Variants in SLC44A5 observed in about 807,000 individuals in gnomAD.
SLC44A5 encodes the protein solute carrier family 44 member 5, also known as choline transporter-like protein 5.
A neutral mutation model predicts 101.8 loss-of-function variants in SLC44A5; 57 were observed. The ratio of observed to expected loss-of-function variants is 0.56; its 90% CI spans 0.45 to 0.70. The LOEUF (loss-of-function observed/expected upper bound fraction) is 0.70, where lower values mean the gene tolerates loss of function less well. Ranked by LOEUF, SLC44A5 falls within the 30% of genes least tolerant of loss-of-function variation. The pLI, the probability that SLC44A5 is intolerant of heterozygous loss-of-function variation, is 0.00. For missense variants in SLC44A5, 737 were observed against 853.1 expected (o/e 0.86, Z 1.70); for synonymous variants, 281 against 290.9 (o/e 0.97, Z 0.35).
chr1:75,490,522 A>G (rs1041466565), intron 2 of SLC44A5, among the ~76,000 whole-genome samples: 3 of 152,198 alleles, frequency 2.0e-5, no homozygotes, highest in African/African-American at 7.2e-5. Context: ...ATCTTTCTTT[A>G]CACTGTTTTA....
At chr1:75,583,128 G>C (rs1005264067) in intron 1 of SLC44A5, among the ~76,000 whole-genome samples, 4 of 152,172 alleles carry the variant, frequency 2.6e-5, no homozygotes, top group Non-Finnish European at 5.9e-5. Context: ...AGTGTGAGGG[G>C]AAGAGAAGCT....
chr1:75,706,195 G>GT, the SLC44A5 span, among the ~76,000 whole-genome samples: 34 of 152,020 alleles, frequency 2.2e-4, no homozygotes, highest in Non-Finnish European at 4.3e-4. Flanking sequence ...CTAATATGTG[G>GT]TTTTTTATTA....
intron 2 of SLC44A5, among the ~76,000 whole-genome samples, chr1:75,456,984 C>T (rs1046384600): frequency 6.6e-6 from 1 of 152,176 alleles, no homozygotes; most frequent in Non-Finnish European, 1.5e-5. Flanking sequence ...TTATAACACA[C>T]AGGAGGAAAA....
chr1:75,210,357 G>A (rs1468797431), intron 23 of SLC44A5, among the ~76,000 whole-genome samples: 2 of 152,104 alleles, frequency 1.3e-5, no homozygotes, highest in East Asian at 1.9e-4. Context: ...ACAGTGCCTA[G>A]CCAAAAAAAG....
chr1:75,422,483 A>G (rs1387160944), intron 2 of SLC44A5, among the ~76,000 whole-genome samples: 2 of 152,234 alleles, frequency 1.3e-5, no homozygotes, highest in Non-Finnish European at 2.9e-5. Flanking sequence ...ATATTTGTGT[A>G]GATAAAAACT....
the SLC44A5 span, among the ~76,000 whole-genome samples, chr1:75,632,642 A>C: frequency 1.3e-5 from 2 of 152,144 alleles, no homozygotes; most frequent in Non-Finnish European, 2.9e-5. Context: ...TTCAAGAGTC[A>C]GGTTTAAATG....
At chr1:75,582,524 C>T in intron 1 of SLC44A5, 1 of 549,498 alleles carries the variant, frequency 1.8e-6, no homozygotes, top group Non-Finnish European at 3.2e-6. Flanking sequence ...AGCTCAGGCT[C>T]CCAAAGGCGC....
chr1:75,223,768 C>G (rs1441596814), intron 13 of SLC44A5, among the ~76,000 whole-genome samples: 1 of 152,144 alleles, frequency 6.6e-6, no homozygotes, highest in Non-Finnish European at 1.5e-5. Context: ...ATACGAAGAT[C>G]TTAGTAATGT....
At chr1:75,624,013 G>A in the SLC44A5 span, among the ~76,000 whole-genome samples, 1 of 152,080 alleles carries the variant, frequency 6.6e-6, no homozygotes, top group African/African-American at 2.4e-5. Flanking sequence ...ATGACTCCAG[G>A]TCTGCAGCAG....
At chr1:75,307,443 C>T (rs1474651058) in intron 4 of SLC44A5, among the ~76,000 whole-genome samples, 1 of 152,136 alleles carries the variant, frequency 6.6e-6, no homozygotes, top group Non-Finnish European at 1.5e-5. Context: ...GGATAATGCA[C>T]TTTGGGGCCA....
chr1:75,263,280 A>G (rs1310274334), intron 6 of SLC44A5, among the ~76,000 whole-genome samples: 1 of 152,254 alleles, frequency 6.6e-6, no homozygotes, highest in Non-Finnish European at 1.5e-5. Flanking sequence ...AAACAAATTT[A>G]CAAGATAAAA....
intron 2 of SLC44A5, among the ~76,000 whole-genome samples, chr1:75,417,756 G>C (rs1309011410): frequency 6.6e-6 from 1 of 152,160 alleles, no homozygotes; most frequent in Non-Finnish European, 1.5e-5. Flanking sequence ...GCTAAAGAAA[G>C]AGTTCTAACA....
intron 2 of SLC44A5, among the ~76,000 whole-genome samples, chr1:75,490,256 G>A (rs2101807576): frequency 6.6e-6 from 1 of 152,182 alleles, no homozygotes; most frequent in Admixed American, 6.6e-5. Context: ...ATCATTTACA[G>A]CAATTACTGA....
intron 3 of SLC44A5, among the ~76,000 whole-genome samples, chr1:75,390,904 G>T (rs995399140): frequency 2.0e-5 from 3 of 152,172 alleles, no homozygotes; most frequent in East Asian, 1.9e-4. Context: ...ATGTAAAATT[G>T]TCCATCTCCA....
At chr1:75,343,885 T>C (rs1242311879) in intron 3 of SLC44A5, among the ~76,000 whole-genome samples, 1 of 152,128 alleles carries the variant, frequency 6.6e-6, no homozygotes, top group East Asian at 1.9e-4. Context: ...CACCAAATAA[T>C]AAGGAATCAT....
intron 1 of SLC44A5, among the ~76,000 whole-genome samples, chr1:75,545,567 C>G (rs1439449830): frequency 1.3e-5 from 2 of 152,172 alleles, no homozygotes; most frequent in Admixed American, 6.5e-5. Context: ...CTCAATTTAT[C>G]TCATCATTGG....
chr1:75,722,842 G>A, the SLC44A5 span, among the ~76,000 whole-genome samples: 12 of 152,296 alleles, frequency 7.9e-5, no homozygotes, highest in South Asian at 1.5e-3. Context: ...AGTAGTAACC[G>A]TGGCAGTTGG....
chr1:75,339,547 T>TA, intron 4 of SLC44A5, 35 bp downstream of exon 4: 1 of 1,577,772 alleles, frequency 6.3e-7, no homozygotes, highest in Non-Finnish European at 8.6e-7. Context: ...TGTGTATGTT[T>TA]AAAAAAGCAT....
At chr1:75,243,057 C>A in intron 7 of SLC44A5, 46 bp from the exon 8 acceptor site, 2 of 1,543,050 alleles carry the variant, frequency 1.3e-6, no homozygotes, top group East Asian at 2.4e-5. Flanking sequence ...TTGAACAAAC[C>A]CAGGAACTAC....
Sources: allele counts gnomAD v4.1 joint callset (sites outside exome capture counted in the v4.1 genomes callset), GRCh38; gene constraint gnomAD v4.1.1; transcripts MANE v1.5; gene names NCBI Gene and HGNC (gene_info 2026-07-23, HGNC 2026-07-21).